Variants in LIN7A observed in about 807,000 individuals in gnomAD.
LIN7A encodes lin-7 cell polarity scaffold A.
LIN7A carries 25 observed loss-of-function variants against 29.8 expected under a neutral mutation model. The observed-to-expected ratio is 0.84, with a 90% CI of 0.61 to 1.17. The LOEUF is 1.17. Ranked by LOEUF, LIN7A falls within the 50% of genes most tolerant of loss-of-function variation. The pLI, the probability that LIN7A is intolerant of heterozygous loss-of-function variation, is 0.00. For synonymous variants in LIN7A, 118 were observed against 107.5 expected (o/e 1.10, Z -0.60); for missense variants, 239 against 287.0 (o/e 0.83, Z 1.21).
At chr12:80,820,541 G>A (rs1171213349) in intron 4 of LIN7A, among the ~76,000 whole-genome samples, 3 of 152,004 alleles carry the variant, frequency 2.0e-5, no homozygotes, top group African/African-American at 7.2e-5. Flanking sequence ...CTACATCCTG[G>A]TGGTAATGCT....
chr12:80,846,404 A>G (rs1873082109), intron 3 of LIN7A, among the ~76,000 whole-genome samples: 1 of 152,216 alleles, frequency 6.6e-6, no homozygotes, highest in East Asian at 1.9e-4. Context: ...GTATTTTTTT[A>G]ATAAATTGAA....
At chr12:80,811,413 G>GTATATATACGTATATATACACATATATA in intron 5 of LIN7A, 52 bp downstream of exon 5, 1 of 700,780 alleles carries the variant, frequency 1.4e-6, no homozygotes, top group Admixed American at 2.1e-5. Context: ...ACATATATGT[G>GTATATATACGTATATATACACATATATA]TGTGTGTATA....
At chr12:80,842,873 A>G (rs973129288) in intron 4 of LIN7A, among the ~76,000 whole-genome samples, 5 of 152,130 alleles carry the variant, frequency 3.3e-5, no homozygotes, top group Non-Finnish European at 1.5e-5. Flanking sequence ...TAAAATAGGT[A>G]GTTTATAATA....
chr12:80,853,651 A>C (rs77225276), intron 2 of LIN7A, among the ~76,000 whole-genome samples: 7 of 147,174 alleles, frequency 4.8e-5, no homozygotes, highest in Admixed American at 1.4e-4. Flanking sequence ...AAAAAAAAAA[A>C]CATACTGACG....
intron 1 of LIN7A, among the ~76,000 whole-genome samples, chr12:80,903,008 T>G (rs987447471): frequency 6.6e-6 from 1 of 151,234 alleles, no homozygotes; most frequent in Non-Finnish European, 1.5e-5. Context: ...CATAAATAGC[T>G]TTTATTATTT....
chr12:80,935,084 A>C (rs995299580), intron 1 of LIN7A, among the ~76,000 whole-genome samples: 5 of 152,178 alleles, frequency 3.3e-5, no homozygotes, highest in Non-Finnish European at 5.9e-5. Context: ...AACATTGCTT[A>C]AGTTACTGCT....
At chr12:80,847,994 G>T (rs928342454) in intron 3 of LIN7A, 32 of 568,148 alleles carry the variant, frequency 5.6e-5, no homozygotes, top group Non-Finnish European at 1.0e-4. Context: ...TGAACCAGTA[G>T]ATTTGCTTGT....
intron 2 of LIN7A, among the ~76,000 whole-genome samples, chr12:80,881,383 G>A (rs1875027071): frequency 6.6e-6 from 1 of 152,168 alleles, no homozygotes; most frequent in Admixed American, 6.5e-5. Flanking sequence ...AACAGAAAGA[G>A]ATATGCACAA....
At chr12:80,923,145 A>C (rs1455788360) in intron 1 of LIN7A, among the ~76,000 whole-genome samples, 1 of 151,976 alleles carries the variant, frequency 6.6e-6, no homozygotes, top group East Asian at 1.9e-4. Flanking sequence ...GCGAACTTGC[A>C]CTCTTTCTAC....
chr12:80,889,188 A>G, intron 2 of LIN7A, 63 bp downstream of exon 2: 1 of 873,092 alleles, frequency 1.1e-6, no homozygotes, highest in South Asian at 1.4e-5. Context: ...TGTGTAGAGA[A>G]GACATGTTTT....
rs1230196233 is a variant in LIN7A, at chr12:80,885,474, A to G, written c.201+3777T>C. Among the ~76,000 whole-genome samples the G allele has an allele frequency of 3.9e-5, 6 of 152,264 alleles. No homozygotes were observed. The East Asian group carries it at 1.2e-3, about 29-fold the overall frequency. Reference sequence around the variant, plus strand: ...AGCCCATTTCTCTGCCATGTTCTTTAAAATCACTTGCACTGATTAGATGCA... The same window carrying G: ...AGCCCATTTCTCTGCCATGTTCTTTGAAATCACTTGCACTGATTAGATGCA... On this transcript the variant is annotated intron_variant, in intron 2 of 5. Coordinates refer to ENST00000552864, the MANE Select transcript of LIN7A (RefSeq NM_004664.4).
At chr12:80,862,149 T>C (rs1001158034) in intron 2 of LIN7A, among the ~76,000 whole-genome samples, 1 of 152,206 alleles carries the variant, frequency 6.6e-6, no homozygotes, top group Non-Finnish European at 1.5e-5. Flanking sequence ...CACCAAGTCC[T>C]TCAGCTTATA....
chr12:80,846,464 T>C (rs1051135475), intron 3 of LIN7A, among the ~76,000 whole-genome samples: 2 of 152,172 alleles, frequency 1.3e-5, no homozygotes, highest in Admixed American at 1.3e-4. Flanking sequence ...ATCTTGCTAT[T>C]GCCAACCCAA....
intron 1 of LIN7A, among the ~76,000 whole-genome samples, chr12:80,921,575 T>C (rs112426379): frequency 2.6e-5 from 4 of 151,026 alleles, no homozygotes; most frequent in African/African-American, 9.8e-5. Context: ...GGAGGGAGCA[T>C]GCTCTGCTCT....
chr12:80,803,085 T>C (rs771619760), intron 5 of LIN7A, among the ~76,000 whole-genome samples: 3 of 152,242 alleles, frequency 2.0e-5, no homozygotes, highest in Non-Finnish European at 2.9e-5. Context: ...AATCCATGGG[T>C]TATTTCTTCA....
intron 1 of LIN7A, among the ~76,000 whole-genome samples, chr12:80,909,940 G>A (rs908186490): frequency 1.3e-5 from 2 of 151,374 alleles, no homozygotes; most frequent in African/African-American, 4.8e-5. Context: ...TGTGAAAGTA[G>A]TTGCAGTTTT....
chr12:80,818,148 T>C (rs1327715007), intron 4 of LIN7A, among the ~76,000 whole-genome samples: 2 of 152,206 alleles, frequency 1.3e-5, no homozygotes, highest in African/African-American at 4.8e-5. Context: ...TGAAGTTCTT[T>C]TGTTTGTTTG....
intron 4 of LIN7A, among the ~76,000 whole-genome samples, chr12:80,813,552 A>G (rs1871396379): frequency 6.6e-6 from 1 of 152,194 alleles, no homozygotes; most frequent in South Asian, 2.1e-4. Flanking sequence ...TAGATACAGA[A>G]AACAAAAAAC....
chr12:80,845,753 G>T lies in LIN7A; in HGVS notation c.460C>A (p.Gln154Lys). Residue 154 changes from glutamine to lysine, a missense_variant, in exon 4 of 6, where the codon CAG (glutamine) becomes AAG (lysine). By Grantham distance (53) the Gln-to-Lys change is moderately conservative. Transcript: ENST00000552864. Reference sequence around the variant, plus strand: ...ACCACTCCGTTCACTGATAGCAGCTGGTCTCCTCTTTTGAGGCCTCCGTGT... The same window carrying T: ...ACCACTCCGTTCACTGATAGCAGCTTGTCTCCTCTTTTGAGGCCTCCGTGT... ...ERHGGLKRGDQLLSVNGVSVE... is the reference protein window; with the variant it reads ...ERHGGLKRGDKLLSVNGVSVE... 6.2e-7 allele frequency: 1 copy of T among 1,613,370 alleles called. No individual in the cohort carries two copies. The highest frequency in any genetic ancestry group is 8.5e-7 in the Non-Finnish European group (1 of 1,179,678).
Sources: gnomAD v4.1 joint callset for allele counts (sites outside exome capture counted in the v4.1 genomes callset) on GRCh38, gnomAD v4.1.1 for gene constraint, MANE v1.5 for transcripts, NCBI Gene and HGNC (gene_info 2026-07-23, HGNC 2026-07-21) for gene names.